Variants in ACSS3 observed in about 807,000 individuals in gnomAD.
The protein encoded by ACSS3 is acyl-CoA synthetase short-chain family member 3, mitochondrial.
Under a neutral mutation model 84.2 loss-of-function variants are expected in ACSS3, and 64 were observed. That is an observed-to-expected ratio of 0.76 (90% CI 0.62 to 0.94). The LOEUF (loss-of-function observed/expected upper bound fraction) is 0.94. ACSS3 is among the 40% of genes least tolerant of loss of function. ACSS3 has a pLI of 0.00. For synonymous variants in ACSS3, 317 were observed against 310.1 expected (o/e 1.02, Z -0.23); for missense variants, 815 against 867.6 (o/e 0.94, Z 0.76).
rs1189369982 is a variant in ACSS3 at position 81,213,932 on chromosome 12, C to CCTTCCTTCCTTCCTTCCTTT, written c.1355-2966_1355-2965insCCTTCCTTCCTTCCTTTCTT. 5.0e-3 allele frequency among the ~76,000 whole-genome samples: 380 copies of CCTTCCTTCCTTCCTTCCTTT among 76,642 alleles called. 8 individuals are homozygous for CCTTCCTTCCTTCCTTCCTTT. Among genetic ancestry groups the CCTTCCTTCCTTCCTTCCTTT allele is most frequent in the East Asian group, 0.019 (54 of 2,818 alleles). 50.3% of individuals were successfully genotyped at this position (76,642 alleles called of 152,430 possible). A position where few individuals can be genotyped will look rare whatever the true frequency, so the allele number is the denominator to read the frequency against. On this transcript the variant is annotated intron_variant, in intron 9 of 15. Coordinates refer to ENST00000548058, the MANE Select transcript of ACSS3 (RefSeq NM_024560.4). ...TCCTTCCTTCCTTCCTTCCTTCCTTCCTTTCTCTCTCTCTCTCCCTCTCTC... is the reference window on the plus strand; with the variant it reads ...TCCTTCCTTCCTTCCTTCCTTCCTTCCTTCCTTCCTTCCTTCCTTTCTTTCTCTCTCTCTCTCCCTCTCTC...
chr12:81,212,242 T>C (rs1162661992), intron 9 of ACSS3, among the ~76,000 whole-genome samples: 1 of 152,216 alleles, frequency 6.6e-6, no homozygotes, highest in East Asian at 1.9e-4. Context: ...GAGGTCTCCA[T>C]GCGGGTAGAA....
intron 1 of ACSS3, among the ~76,000 whole-genome samples, chr12:81,106,648 T>C (rs1883029186): frequency 6.6e-6 from 1 of 152,168 alleles, no homozygotes; most frequent in Admixed American, 6.6e-5. Flanking sequence ...TAGAGAAATA[T>C]ATTAAATAAT....
intron 7 of ACSS3, among the ~76,000 whole-genome samples, chr12:81,157,037 C>CAA (rs201772671): frequency 3.3e-5 from 5 of 149,748 alleles, no homozygotes; most frequent in African/African-American, 1.2e-4. Context: ...AAGTCAACGA[C>CAA]AAAAAAAAAT....
chr12:81,100,297 AT>A (rs1882407592), intron 1 of ACSS3, among the ~76,000 whole-genome samples: 1 of 132,406 alleles, frequency 7.6e-6, no homozygotes, highest in Non-Finnish European at 1.5e-5. Context: ...CACAGGTGTG[AT>A]TATAGGAGAA....
At chr12:81,246,815 G>GA (rs1188447900) in intron 13 of ACSS3, among the ~76,000 whole-genome samples, 2 of 152,078 alleles carry the variant, frequency 1.3e-5, no homozygotes, top group Non-Finnish European at 2.9e-5. Flanking sequence ...AAGAGGATCA[G>GA]AAAAAATAGC....
At chr12:81,253,455 A>C in intron 14 of ACSS3, 40 bp from the exon 15 acceptor site, 1 of 1,611,418 alleles carries the variant, frequency 6.2e-7, no homozygotes, top group Non-Finnish European at 8.5e-7. Flanking sequence ...ATAATTAACT[A>C]AGGTTAATTC....
At chr12:81,197,379 TG>T (rs559477125) in intron 8 of ACSS3, among the ~76,000 whole-genome samples, 84 of 152,286 alleles carry the variant, frequency 5.5e-4, no homozygotes, top group Non-Finnish European at 9.7e-4. Flanking sequence ...CTATAAAAGT[TG>T]GGGAAGATGT....
chr12:81,078,504 C>T, intron 1 of ACSS3, 73 bp downstream of exon 1: 1 of 1,511,178 alleles, frequency 6.6e-7, no homozygotes, highest in Non-Finnish European at 9.0e-7. Context: ...TCCCTGGGAC[C>T]TGGAATCTGG....
At chr12:81,161,264 G>A (rs34825043) in intron 7 of ACSS3, among the ~76,000 whole-genome samples, 69,847 of 152,032 alleles carry the variant, frequency 0.46, 16,578 homozygotes, top group Non-Finnish European at 0.52. Context: ...TCAGCATACA[G>A]GGATGTGTTG....
At chr12:81,110,569 G>A (rs74899294) in intron 2 of ACSS3, among the ~76,000 whole-genome samples, 1 of 152,172 alleles carries the variant, frequency 6.6e-6, no homozygotes, top group Admixed American at 6.6e-5. Flanking sequence ...GAGAGGTAAT[G>A]GTGCAAGGCA....
intron 7 of ACSS3, among the ~76,000 whole-genome samples, chr12:81,169,182 C>A (rs1403099205): frequency 1.3e-5 from 2 of 152,130 alleles, no homozygotes; most frequent in Non-Finnish European, 2.9e-5. Flanking sequence ...AAGATGGCAG[C>A]CTATCCTTAC....
intron 7 of ACSS3, among the ~76,000 whole-genome samples, chr12:81,157,773 C>T (rs1295566869): frequency 6.6e-6 from 1 of 152,008 alleles, no homozygotes; most frequent in Non-Finnish European, 1.5e-5. Context: ...CAACACTGCA[C>T]TCCAGCCTGG....
At chr12:81,098,883 C>G (rs2121399534) in intron 1 of ACSS3, among the ~76,000 whole-genome samples, 1 of 152,260 alleles carries the variant, frequency 6.6e-6, no homozygotes, top group East Asian at 1.9e-4. Flanking sequence ...GTACCTCTGT[C>G]AGGAAATTTG....
At chr12:81,105,657 C>T (rs1459139553) in intron 1 of ACSS3, among the ~76,000 whole-genome samples, 1 of 152,224 alleles carries the variant, frequency 6.6e-6, no homozygotes, top group Admixed American at 6.5e-5. Context: ...GTAACATTCT[C>T]ATTCATTCAT....
chr12:81,213,048 A>T (rs958439150), intron 9 of ACSS3, among the ~76,000 whole-genome samples: 17 of 152,230 alleles, frequency 1.1e-4, no homozygotes, highest in African/African-American at 3.4e-4. Flanking sequence ...GAAGTATCCC[A>T]TGCTCTTCTA....
chr12:81,103,188 T>C (rs956338868), intron 1 of ACSS3, among the ~76,000 whole-genome samples: 3 of 152,158 alleles, frequency 2.0e-5, no homozygotes, highest in Non-Finnish European at 2.9e-5. Context: ...CTCAGGCCCT[T>C]GGGAAAAACT....
intron 9 of ACSS3, among the ~76,000 whole-genome samples, chr12:81,205,025 T>A (rs958751260): frequency 1.3e-5 from 2 of 152,184 alleles, no homozygotes; most frequent in Non-Finnish European, 2.9e-5. Flanking sequence ...AGTTCTTCTA[T>A]CTTGGTGTAA....
At chr12:81,176,405 T>C (rs866461533) in intron 8 of ACSS3, among the ~76,000 whole-genome samples, 1 of 151,734 alleles carries the variant, frequency 6.6e-6, no homozygotes, top group Non-Finnish European at 1.5e-5. Flanking sequence ...CCCATCTCTA[T>C]TAAAAATACA....
At chr12:81,187,541 A>G (rs550985635) in intron 8 of ACSS3, among the ~76,000 whole-genome samples, 93 of 152,032 alleles carry the variant, frequency 6.1e-4, no homozygotes, top group Non-Finnish European at 8.7e-4. Flanking sequence ...GTGGAGTTGC[A>G]TATCAGCATT....
Sources: allele counts gnomAD v4.1 joint callset (sites outside exome capture counted in the v4.1 genomes callset), GRCh38; gene constraint gnomAD v4.1.1; transcripts MANE v1.5; gene names NCBI Gene and HGNC (gene_info 2026-07-23, HGNC 2026-07-21).